Variants in FRAS1 observed in about 807,000 individuals in gnomAD.
The protein encoded by FRAS1 is Fraser extracellular matrix complex subunit 1.
Under a neutral mutation model 435.2 loss-of-function variants are expected in FRAS1, and 290 were observed. The observed-to-expected ratio is 0.67, with a 90% CI of 0.61 to 0.73. The LOEUF (loss-of-function observed/expected upper bound fraction) is 0.73. Ranked by LOEUF, FRAS1 falls within the 30% of genes least tolerant of loss-of-function variation. The pLI, the probability that FRAS1 is intolerant of heterozygous loss-of-function variation, is 0.00. For missense variants in FRAS1, 4,860 were observed against 5,001.5 expected, an observed-to-expected ratio of 0.97 and a Z score of 0.85; for synonymous variants, 1,800 against 1,851.0, an observed-to-expected ratio of 0.97 and a Z score of 0.71.
rs558478505 is a variant in FRAS1, at chr4:78,123,117, G to A, written c.108+57101G>A. 3.3e-5 allele frequency among the ~76,000 whole-genome samples: 5 copies of A among 152,218 alleles called. No homozygotes were observed. In the East Asian group the frequency reaches 7.7e-4, roughly 23 times the overall value. ...GGATTTTTATGGTCCTAGGTCTTAC[G>A]TTTAAGTCTTTGATCCATGTTCAGT... On this transcript the variant is annotated intron_variant, in intron 2 of 73. Transcript: ENST00000512123.
At position 78,245,243 on chromosome 4, in the gene FRAS1, T is replaced by G. The variant is rs199745197; in HGVS notation, c.227T>G (p.Leu76Arg). Residue 76 changes from leucine to arginine, a missense_variant, in exon 4 of 74, where the codon CTT (leucine) becomes CGT (arginine). Leu to Arg is a moderately radical substitution (Grantham distance 102). Coordinates refer to ENST00000512123, the MANE Select transcript of FRAS1 (RefSeq NM_025074.7). ...CTTTTAAATGCTCAGGGAGAAGTGCTTCAAATAGCTGCCAACCAATGCTGT... is the reference window on the plus strand; with the variant it reads ...CTTTTAAATGCTCAGGGAGAAGTGCGTCAAATAGCTGCCAACCAATGCTGT... ...PQCAFEKGEV[L>R]QIAANQCCPE... 189 of 1,605,790 alleles carry G rather than the reference T, an allele frequency of 1.2e-4. No homozygotes were observed. Among genetic ancestry groups the G allele is most frequent in the Non-Finnish European group, 1.1e-4 (130 of 1,175,976 alleles).
At chr4:78,193,483 A>T (rs1215633176) in intron 2 of FRAS1, among the ~76,000 whole-genome samples, 1 of 152,126 alleles carries the variant, frequency 6.6e-6, no homozygotes, top group Admixed American at 6.5e-5. Flanking sequence ...TATTTAGGAT[A>T]ATTAGCTCTG....
rs1354970567 is a variant in FRAS1, at chr4:78,305,466, A to C, written c.1535-2600A>C. On this transcript the variant is annotated intron_variant, in intron 14 of 73. Coordinates refer to ENST00000512123, the MANE Select transcript of FRAS1 (RefSeq NM_025074.7). ...TGTCTAATGTTGACAGTGGGGTGTTAAAGTCTCCCATTATTATTGTGTGGG... is the reference window on the plus strand; with the variant it reads ...TGTCTAATGTTGACAGTGGGGTGTTCAAGTCTCCCATTATTATTGTGTGGG... Among the ~76,000 whole-genome samples the C allele has an allele frequency of 1.3e-3, 188 of 150,234 alleles. 2 individuals are homozygous for C. The highest frequency in any genetic ancestry group is 7.4e-5 in the Non-Finnish European group (5 of 67,586).
chr4:78,388,695 C>T, intron 29 of FRAS1, among the ~76,000 whole-genome samples: 1 of 150,876 alleles, frequency 6.6e-6, no homozygotes, highest in East Asian at 1.9e-4. Context: ...ATAGTCTCCA[C>T]TACTCAGAAG....
chr4:78,369,970 C>T lies in FRAS1; in HGVS notation c.2855C>T (p.Thr952Ile), dbSNP rs750807959. ...CAPQYYLDFS[T>I]NTCKECDWSC... ...CCACAGTACTATCTTGACTTCTCCA[C>T]CAACACGTGCAAAGGTAAAGCTCTT... Residue 952 changes from threonine (T) to isoleucine (I), a missense_variant, in exon 23 of 74, where the codon ACC (threonine) becomes ATC (isoleucine). Thr to Ile is a moderately conservative substitution (Grantham distance 89). Transcript: ENST00000512123. 2 of 1,613,278 alleles carry T rather than the reference C, an allele frequency of 1.2e-6. No homozygotes were observed. The highest frequency in any genetic ancestry group is 1.1e-5 in the South Asian group (1 of 90,932).
At chr4:78,477,143 A>T (rs1995061) in intron 54 of FRAS1, among the ~76,000 whole-genome samples, 3,745 of 152,232 alleles carry the variant, frequency 0.025, 170 homozygotes, top group African/African-American at 0.084. Flanking sequence ...AAATTAGTCT[A>T]CCTTGTTTAT....
chr4:78,364,830 T>G lies in FRAS1; in HGVS notation c.2722+776T>G, dbSNP rs560570023. Reference sequence around the variant, plus strand: ...GGTTAACAAATATAGTGGTAGTATTTCAGTTGTGTGTTCTAGGGGTACCAT... The same window carrying G: ...GGTTAACAAATATAGTGGTAGTATTGCAGTTGTGTGTTCTAGGGGTACCAT... On this transcript the variant is annotated intron_variant, in intron 22 of 73. Coordinates refer to ENST00000512123, the MANE Select transcript of FRAS1 (RefSeq NM_025074.7). Among the ~76,000 whole-genome samples, 3 of 152,368 alleles carry G rather than the reference T, an allele frequency of 2.0e-5. No homozygotes were observed. The South Asian group carries it at 6.2e-4, about 32-fold the overall frequency.
chr4:78,060,634 G>A (rs1739717466), intron 1 of FRAS1, among the ~76,000 whole-genome samples: 2 of 152,146 alleles, frequency 1.3e-5, no homozygotes, highest in Non-Finnish European at 2.9e-5. Flanking sequence ...TTTGAATTAA[G>A]CTTAACTGGT....
chr4:78,287,150 G>A (rs1217487194), intron 14 of FRAS1, among the ~76,000 whole-genome samples: 1 of 152,086 alleles, frequency 6.6e-6, no homozygotes, highest in African/African-American at 2.4e-5. Context: ...TGTCTGGAGA[G>A]AGAGAGAGTG....
chr4:78,194,413 C>A (rs1315312774), intron 2 of FRAS1, among the ~76,000 whole-genome samples: 1 of 152,222 alleles, frequency 6.6e-6, no homozygotes, highest in Non-Finnish European at 1.5e-5. Context: ...GTACACCAAT[C>A]AGATGTAGAT....
chr4:78,415,882 AAAAC>A (rs1269784360), intron 32 of FRAS1, among the ~76,000 whole-genome samples: 1 of 152,142 alleles, frequency 6.6e-6, no homozygotes, highest in Non-Finnish European at 1.5e-5. Flanking sequence ...GGCCAGTCAG[AAAAC>A]AAACAGGCTA....
At chr4:78,380,042 T>G (rs1305093520) in intron 27 of FRAS1, 46 bp downstream of exon 27, 1 of 1,593,570 alleles carries the variant, frequency 6.3e-7, no homozygotes, top group South Asian at 1.1e-5. Context: ...TTTCCATCAT[T>G]GCTTTTCCAC....
At chr4:78,500,037 T>C (rs1335524632) in intron 61 of FRAS1, 116 bp downstream of exon 61, 4 of 769,656 alleles carry the variant, frequency 5.2e-6, no homozygotes, top group African/African-American at 1.8e-5. Flanking sequence ...TTCCAATAGC[T>C]AAAGCATTTT....
At position 78,275,372 on chromosome 4, in the gene FRAS1, T is replaced by G. The variant is rs1222697211; in HGVS notation, c.982-3283T>G. 3.3e-5 allele frequency among the ~76,000 whole-genome samples: 5 copies of G among 152,306 alleles called. No individual in the cohort carries two copies. The East Asian group carries it at 9.6e-4, about 29-fold the overall frequency. ...TCCTGTCATTATGATGTTAGCTGGT[T>G]ATTTTGCTTGTTAGTTGATGCGGTT... On this transcript the variant is annotated intron_variant, in intron 9 of 73. Coordinates refer to ENST00000512123, the MANE Select transcript of FRAS1 (RefSeq NM_025074.7).
chr4:78,456,149 T>TTTTTC (rs1553962179), intron 47 of FRAS1, among the ~76,000 whole-genome samples: 10 of 61,318 alleles, frequency 1.6e-4, no homozygotes, highest in South Asian at 1.6e-3. Flanking sequence ...TTTTTTTTTT[T>TTTTTC]TTTTTTTTTT....
In FRAS1 at chr4:78,369,986, T is replaced by C; in HGVS notation, c.2869+2T>C. 1 of 1,612,378 alleles carries C rather than the reference T, an allele frequency of 6.2e-7. No individual in the cohort carries two copies. The highest frequency in any genetic ancestry group is 1.7e-5 in the Admixed American group (1 of 59,838). On this transcript the variant is annotated splice_donor_variant, in intron 23 of 73. Coordinates refer to ENST00000512123, the MANE Select transcript of FRAS1 (RefSeq NM_025074.7). LOFTEE classifies it high-confidence loss of function. ...ACTTCTCCACCAACACGTGCAAAGG[T>C]AAAGCTCTTCCTGAATTGTGTAAAG...
chr4:78,334,363 CTTTTT>C (rs1007481617), intron 19 of FRAS1, among the ~76,000 whole-genome samples: 2 of 92,270 alleles, frequency 2.2e-5, no homozygotes, highest in African/African-American at 4.5e-5. Flanking sequence ...AACCAATTTT[CTTTTT>C]TTTTTTTTTT....
intron 24 of FRAS1, among the ~76,000 whole-genome samples, chr4:78,373,169 A>C (rs1268735694): frequency 1.3e-5 from 2 of 152,084 alleles, no homozygotes; most frequent in African/African-American, 4.8e-5. Flanking sequence ...CCAGGTGGGA[A>C]GGTGTTTGTA....
chr4:78,399,369 G>T (rs961271760), intron 29 of FRAS1, among the ~76,000 whole-genome samples: 17 of 152,052 alleles, frequency 1.1e-4, no homozygotes, highest in Non-Finnish European at 2.1e-4. Flanking sequence ...CCATTTATTG[G>T]CATATTTGAA....
Sources: allele counts gnomAD v4.1 joint callset (sites outside exome capture counted in the v4.1 genomes callset), GRCh38; gene constraint gnomAD v4.1.1; transcripts MANE v1.5; gene names NCBI Gene and HGNC (gene_info 2026-07-23, HGNC 2026-07-21).